SETD1B: variants seen among roughly 807,000 people sequenced by gnomAD.
SETD1B encodes the protein histone-lysine N-methyltransferase SETD1B.
SETD1B carries 7 observed loss-of-function variants against 148.0 expected under a neutral mutation model. That is an observed-to-expected ratio of 0.05 (90% CI 0.03 to 0.09). The LOEUF (loss-of-function observed/expected upper bound fraction) is 0.09, where lower values mean the gene tolerates loss of function less well. SETD1B is among the 10% of genes least tolerant of loss of function. SETD1B has a pLI of 1.00. For missense variants in SETD1B, 2,155 were observed against 2,729.9 expected (o/e 0.79, Z 4.69); for synonymous variants, 1,361 against 1,186.5 (o/e 1.15, Z -3.02).
In SETD1B at chr12:121,831,195, G is replaced by C. The variant is rs981991689; in HGVS notation, c.*956G>C. The C allele has an allele frequency of 6.6e-6, 1 of 152,104 alleles. No homozygotes were observed. The highest frequency in any genetic ancestry group is 6.5e-5 in the Admixed American group (1 of 15,270). The allele number at this position is 152,104 out of a possible 1,614,324, so 9.4% of individuals were successfully genotyped here. Reference sequence around the variant, plus strand: ...GGGTCCCCCAGTCCCGCCATTACGGGTTGTCAGACCGTCTGCGTGTGGCAT... The same window carrying C: ...GGGTCCCCCAGTCCCGCCATTACGGCTTGTCAGACCGTCTGCGTGTGGCAT... On this transcript the variant is annotated 3_prime_UTR_variant, in exon 17 of 17. Transcript: ENST00000604567.
At chr12:121,811,312 C>T (rs537645227) in intron 6 of SETD1B, among the ~76,000 whole-genome samples, 2 of 152,152 alleles carry the variant, frequency 1.3e-5, no homozygotes, top group East Asian at 3.9e-4. Flanking sequence ...GGGTGAAGCC[C>T]CGGAGCATTG....
chr12:121,823,542 C>T lies in SETD1B; in HGVS notation c.4963C>T (p.Pro1655Ser). ...TAAGAAGCGCCATGAGGACCTGGTG[C>T]CACCTGCGGGCTCGCCCGAACTCTC... ...PPKKRHEDLV[P>S]PAGSPELSPP... The change falls in exon 12 of 17, where the codon CCA (proline) becomes TCA (serine). Residue 1655 changes from proline to serine, a missense_variant. Coordinates refer to ENST00000604567, the MANE Select transcript of SETD1B (RefSeq NM_001353345.2). 1 of 1,551,218 alleles carries T rather than the reference C, an allele frequency of 6.4e-7. No homozygotes were observed. The highest frequency in any genetic ancestry group is 1.2e-5 in the South Asian group (1 of 84,058).
chr12:121,817,898 G>A lies in SETD1B; in HGVS notation c.3412G>A (p.Asp1138Asn). ...GAGTGAGAAGGACGAAGGGGACTCG[G>A]ATGAAGGTGAGCAGGGAGGCCGTGG... is the stretch of plus-strand genomic sequence containing the variant. Reference protein sequence around the residue: ...EASEKDEGDSDEEETVSIVTS... With the variant: ...EASEKDEGDSNEEETVSIVTS... The change falls in exon 10 of 17, where the codon GAT becomes AAT. Residue 1138 changes from aspartate to asparagine, a missense_variant. Physicochemically the swap from Asp to Asn is conservative, Grantham distance 23. This residue lies in a region of SETD1B where 862 missense variants were observed against 873.8 expected (regional missense o/e 0.99). Coordinates refer to ENST00000604567, the MANE Select transcript of SETD1B (RefSeq NM_001353345.2). This position sits in a 1 kb window ranked among gnomAD's most constrained non-coding sequence, Gnocchi z 8.1. The A allele has an allele frequency of 6.5e-7, 1 of 1,545,650 alleles. No homozygotes were observed. Among genetic ancestry groups the A allele is most frequent in the Non-Finnish European group, 8.7e-7 (1 of 1,143,932 alleles).
Position 121,822,778 on chromosome 12 carries a change from C to G in SETD1B, c.4199C>G (p.Ser1400Cys). Residue 1400 changes from serine (S) to cysteine (C), a missense_variant, in exon 12 of 17, where the codon TCT (serine) becomes TGT (cysteine). Transcript: ENST00000604567. ...GGCAGCAGTGGCCTGTCCCTGAGCT[C>G]TCCGCAAGTGCCCGGCAGCCCCTTC... is the stretch of plus-strand genomic sequence containing the variant. Reference protein sequence around the residue: ...SGGSSGLSLSSPQVPGSPFSY... With the variant: ...SGGSSGLSLSCPQVPGSPFSY... 1.3e-6 allele frequency: 2 copies of G among 1,515,350 alleles called. No homozygotes were observed. The highest frequency in any genetic ancestry group is 1.3e-5 in the South Asian group (1 of 79,204). The allele number at this position is 1,515,350 out of a possible 1,614,324, so 93.9% of individuals were successfully genotyped here.
rs1040666202 is a variant in SETD1B at position 121,810,628 on chromosome 12, G to T, written c.1683G>T (p.Ser561=). The T allele has an allele frequency of 3.9e-6, 6 of 1,548,258 alleles. No individual in the cohort carries two copies. Among genetic ancestry groups the T allele is most frequent in the Non-Finnish European group, 5.2e-6 (6 of 1,146,500 alleles). ...QPGFRGPTPP[S]SRPSSTGLED... is the part of the protein sequence containing the mutation. ...GCTTCCGGGGCCCCACGCCCCCCTC[G>T]TCACGCCCCTCCAGCACCGGCCTGG... The change falls in exon 6 of 17, where the codon TCG becomes TCT. Residue 561 remains serine (S), a synonymous_variant. Transcript: ENST00000604567. This position sits in a 1 kb window ranked among gnomAD's most constrained non-coding sequence, Gnocchi z 7.6.
the SETD1B span, among the ~76,000 whole-genome samples, chr12:121,798,133 G>A: frequency 1.1e-4 from 16 of 152,232 alleles, no homozygotes; most frequent in African/African-American, 3.1e-4. Context: ...GGGCACAGGC[G>A]CTGGCTGCCA....
intron 12 of SETD1B, among the ~76,000 whole-genome samples, chr12:121,824,028 T>C (rs1289489128): frequency 1.3e-5 from 2 of 152,228 alleles, no homozygotes; most frequent in African/African-American, 4.8e-5. Flanking sequence ...CCGTGCAGCT[T>C]AACAGCACAC....
chr12:121,820,439 C>G (rs1258913245), intron 11 of SETD1B, among the ~76,000 whole-genome samples: 2 of 152,254 alleles, frequency 1.3e-5, no homozygotes, highest in African/African-American at 2.4e-5. Context: ...GAAACGTGGC[C>G]AGTGGCACAG....
Position 121,808,006 on chromosome 12 carries a change from T to C in SETD1B, c.545-202T>C, listed in dbSNP as rs1268212309. Among the ~76,000 whole-genome samples the C allele has an allele frequency of 2.0e-5, 3 of 151,382 alleles. No individual in the cohort carries two copies. Among genetic ancestry groups the C allele is most frequent in the Non-Finnish European group, 2.9e-5 (2 of 67,900 alleles). The stretch of plus-strand genomic sequence containing the variant: ...CTTCTGGATCTCAGGATCAGAAAAA[T>C]GGTGCAGCTCAGCAGCTTTGTTGAA... On this transcript the variant is annotated intron_variant, in intron 4 of 16. Transcript: ENST00000604567. The surrounding 1 kb of genome is among the most constrained non-coding windows in gnomAD (Gnocchi z 5.3).
chr12:121,806,048 C>A lies in SETD1B; in HGVS notation c.487C>A (p.His163Asn). ...CCGGGGAGCCAAGGATGCCGTTCAG[C>A]ACTTGCACAGCACTTCCGTCATGGG... Reference protein sequence around the residue: ...TVRGAKDAVQHLHSTSVMGNI... With the variant: ...TVRGAKDAVQNLHSTSVMGNI... The change falls in exon 4 of 17, where the codon CAC (histidine) becomes AAC (asparagine). Residue 163 changes from histidine (H) to asparagine (N), a missense_variant. Physicochemically the swap from His to Asn is moderately conservative, Grantham distance 68 (BLOSUM62 1). Coordinates refer to ENST00000604567, the MANE Select transcript of SETD1B (RefSeq NM_001353345.2). 1.3e-6 allele frequency: 2 copies of A among 1,551,706 alleles called. No homozygotes were observed. The highest frequency in any genetic ancestry group is 1.7e-6 in the Non-Finnish European group (2 of 1,147,002).
upstream of SETD1B, chr12:121,803,787 GA>G (rs1326850479): frequency 6.6e-6 from 1 of 151,820 alleles, no homozygotes; most frequent in African/African-American, 2.4e-5. This position sits in a 1 kb window ranked among gnomAD's most constrained non-coding sequence, Gnocchi z 4.7. Flanking sequence ...CCCAGTCCCA[GA>G]AAAATAAATA....
the SETD1B span, among the ~76,000 whole-genome samples, chr12:121,798,465 A>G: frequency 1.3e-5 from 2 of 152,144 alleles, no homozygotes; most frequent in Non-Finnish European, 2.9e-5. Flanking sequence ...CCACGATCAC[A>G]ATGGAGGCCA....
In SETD1B at chr12:121,832,134, A is replaced by G. The variant is rs1016516499; in HGVS notation, c.*1895A>G. ...ATTCAAGTTACATGTACAGCCTCCAAAGGGCTGTCTCCATTCTGTCCCCTT... is the reference window on the plus strand; with the variant it reads ...ATTCAAGTTACATGTACAGCCTCCAGAGGGCTGTCTCCATTCTGTCCCCTT... On this transcript the variant is annotated 3_prime_UTR_variant, in exon 17 of 17. Coordinates refer to ENST00000604567, the MANE Select transcript of SETD1B (RefSeq NM_001353345.2). 1 of 152,178 alleles carries G rather than the reference A, an allele frequency of 6.6e-6. No homozygotes were observed. Among genetic ancestry groups the G allele is most frequent in the Non-Finnish European group, 1.5e-5 (1 of 68,052 alleles). The allele number at this position is 152,178 out of a possible 1,614,324, so 9.4% of individuals were successfully genotyped here.
At chr12:121,816,566 C>G (rs764345973) in intron 7 of SETD1B, among the ~76,000 whole-genome samples, 4 of 152,212 alleles carry the variant, frequency 2.6e-5, no homozygotes, top group Non-Finnish European at 5.9e-5. Flanking sequence ...TCATGTGGCT[C>G]GTTTTGTTAA....
In SETD1B at chr12:121,805,356, C is replaced by T; in HGVS notation, c.273+140C>T. The T allele has an allele frequency of 1.5e-6, 1 of 688,936 alleles. No homozygotes were observed. Among genetic ancestry groups the T allele is most frequent in the South Asian group, 1.8e-5 (1 of 55,688 alleles). The allele number at this position is 688,936 out of a possible 1,614,324, so 42.7% of individuals were successfully genotyped here. On this transcript the variant is annotated intron_variant, in intron 3 of 16. Coordinates refer to ENST00000604567, the MANE Select transcript of SETD1B (RefSeq NM_001353345.2). The surrounding 1 kb of genome is among the most constrained non-coding windows in gnomAD (Gnocchi z 4.2). Reference sequence around the variant, plus strand: ...GAAGTTTTGGCGGGGAGGGGTAGAGCGCTGGCGAGAGGGTGTCCCCTCTCA... The same window carrying T: ...GAAGTTTTGGCGGGGAGGGGTAGAGTGCTGGCGAGAGGGTGTCCCCTCTCA...
chr12:121,814,070 G>C, intron 6 of SETD1B, 36 bp from the exon 7 acceptor site: 1 of 1,519,592 alleles, frequency 6.6e-7, no homozygotes, highest in Non-Finnish European at 8.9e-7. Context: ...TGGCCTTCCA[G>C]ACTCACCTCA....
At chr12:121,812,533 C>T (rs769815573) in intron 6 of SETD1B, among the ~76,000 whole-genome samples, 1 of 151,902 alleles carries the variant, frequency 6.6e-6, no homozygotes, top group East Asian at 1.9e-4. Flanking sequence ...CTTCTCACCC[C>T]GAGACTGCTG....
chr12:121,817,521 G>A lies in SETD1B; in HGVS notation c.3129G>A (p.Ala1043=), dbSNP rs972441220. The stretch of plus-strand genomic sequence containing the variant: ...AGGACGAGAAGGAGTCATTGTCGGC[G>A]TCCTCGTCCTCATCCGCGTCATCAT... ...GEEDEKESLS[A]SSSSSASSSS... The change falls in exon 9 of 17, where the codon GCG becomes GCA. Residue 1043 remains alanine (A), a synonymous_variant. Transcript: ENST00000604567. The surrounding 1 kb of genome is among the most constrained non-coding windows in gnomAD (Gnocchi z 8.1). 4.3e-5 allele frequency: 66 copies of A among 1,551,478 alleles called. No individual in the cohort carries two copies. The highest frequency in any genetic ancestry group is 1.2e-4 in the East Asian group (5 of 40,920).
rs67605254 is a variant in SETD1B, at chr12:121,805,689, ATTTT to A, written c.274-133_274-130del. On this transcript the variant is annotated intron_variant, in intron 3 of 16. Coordinates refer to ENST00000604567, the MANE Select transcript of SETD1B (RefSeq NM_001353345.2). This position sits in a 1 kb window ranked among gnomAD's most constrained non-coding sequence, Gnocchi z 4.2. ...CGTGCATTTTTTTTTTCCAAAAAAA[ATTTT>A]TTTTTTTTTTTTAATTTTTAGTTTT... is the stretch of plus-strand genomic sequence containing the variant. The A allele has an allele frequency of 2.5e-4, 137 of 545,616 alleles. No homozygotes were observed. Among genetic ancestry groups the A allele is most frequent in the Middle Eastern group, 5.6e-4 (1 of 1,792 alleles). The allele number at this position is 545,616 out of a possible 1,614,324, so 33.8% of individuals were successfully genotyped here. A position where few individuals can be genotyped will look rare whatever the true frequency, so the allele number is the denominator to read the frequency against.
Sources: allele counts gnomAD v4.1 joint callset (sites outside exome capture counted in the v4.1 genomes callset), GRCh38; gene constraint gnomAD v4.1.1; regional missense constraint gnomAD v4.1.1; non-coding constraint Gnocchi (gnomAD v3.1); transcripts MANE v1.5; gene names NCBI Gene and HGNC (gene_info 2026-07-23, HGNC 2026-07-21).